Variants in TCF4 observed in about 807,000 individuals in gnomAD.
TCF4 encodes the protein SL3-3 enhancer factor 2.
TCF4 carries 3 observed loss-of-function variants against 82.1 expected under a neutral mutation model. The observed-to-expected ratio is 0.04, with a 90% CI of 0.02 to 0.09. The LOEUF (loss-of-function observed/expected upper bound fraction) is 0.09. Ranked by LOEUF, TCF4 falls within the 10% of genes least tolerant of loss-of-function variation. TCF4 has a pLI of 1.00. For synonymous variants in TCF4, 276 were observed against 309.6 expected, an observed-to-expected ratio of 0.89 and a Z score of 1.14; for missense variants, 518 against 852.7, an observed-to-expected ratio of 0.61 and a Z score of 4.89.
chr18:55,576,990 G>A (rs1265546900), intron 3 of TCF4, among the ~76,000 whole-genome samples: 1 of 150,858 alleles, frequency 6.6e-6, no homozygotes, highest in Non-Finnish European at 1.5e-5. Context: ...TATGCCCTCT[G>A]AGAGAAGGTT....
At chr18:55,455,951 C>G (rs2095743856) in intron 5 of TCF4, among the ~76,000 whole-genome samples, 1 of 152,068 alleles carries the variant, frequency 6.6e-6, no homozygotes, top group Admixed American at 6.5e-5. Flanking sequence ...AGTAAAACTC[C>G]CTGTATTAGC....
intron 14 of TCF4, among the ~76,000 whole-genome samples, chr18:55,255,622 C>T (rs1181267065): frequency 6.6e-6 from 1 of 152,140 alleles, no homozygotes; most frequent in Admixed American, 6.6e-5. Context: ...CCAGTGTACA[C>T]TTTAAAATAT....
intron 3 of TCF4, among the ~76,000 whole-genome samples, chr18:55,558,879 T>C (rs1187805205): frequency 6.6e-6 from 1 of 151,910 alleles, no homozygotes; most frequent in Non-Finnish European, 1.5e-5. Context: ...GATGGGGAGA[T>C]TGGTTGCCTG....
chr18:55,403,793 G>C (rs761880885), intron 5 of TCF4: 115 of 1,513,988 alleles, frequency 7.6e-5, no homozygotes, highest in Non-Finnish European at 9.4e-5. Flanking sequence ...CAAACAAATC[G>C]TAACTCCTTA....
chr18:55,265,866 A>G (rs552074128), intron 11 of TCF4: 2 of 152,320 alleles, frequency 1.3e-5, no homozygotes, highest in African/African-American at 4.8e-5. Context: ...CAATCTTGGT[A>G]GTCTGTTCCT....
At chr18:55,523,157 A>C (rs2096947020) in intron 3 of TCF4, among the ~76,000 whole-genome samples, 1 of 152,080 alleles carries the variant, frequency 6.6e-6, no homozygotes, top group Non-Finnish European at 1.5e-5. Context: ...AGAAACTAGT[A>C]ACACAGAGAA....
At chr18:55,545,724 A>T (rs547104919) in intron 3 of TCF4, among the ~76,000 whole-genome samples, 15 of 152,278 alleles carry the variant, frequency 9.9e-5, no homozygotes, top group African/African-American at 3.6e-4. Context: ...TGCTGGGATT[A>T]CAGGCGTGAG....
chr18:55,238,968 GGATAAGATCATGTAGTCCAAACACA>G (rs1175969295), intron 15 of TCF4, among the ~76,000 whole-genome samples: 1 of 152,118 alleles, frequency 6.6e-6, no homozygotes, highest in Non-Finnish European at 1.5e-5. Context: ...GAGGAAGGGG[GGATAAGATCATGTAGTCCAAACACA>G]GGCGGCTTGG....
chr18:55,602,067 C>A (rs186686865), intron 2 of TCF4, among the ~76,000 whole-genome samples: 22 of 152,266 alleles, frequency 1.4e-4, no homozygotes, highest in Non-Finnish European at 2.5e-4. Context: ...GCCGGATTCA[C>A]GTTAATGCCT....
chr18:55,364,046 TA>T (rs1354353553), intron 6 of TCF4, among the ~76,000 whole-genome samples: 2 of 152,134 alleles, frequency 1.3e-5, no homozygotes, highest in African/African-American at 4.8e-5. Context: ...CAAATTAAAA[TA>T]AGACAAATTT....
At chr18:55,507,609 ATTTTG>A (rs2096777387) in intron 3 of TCF4, among the ~76,000 whole-genome samples, 2 of 152,094 alleles carry the variant, frequency 1.3e-5, no homozygotes, top group African/African-American at 4.8e-5. Flanking sequence ...GGGGTTCCAT[ATTTTG>A]ATGCAGTTTA....
chr18:55,426,099 T>TTATATATATATATATATATATATATATA (rs35262105), intron 5 of TCF4, among the ~76,000 whole-genome samples: 29 of 139,016 alleles, frequency 2.1e-4, no homozygotes, highest in African/African-American at 6.8e-4. Context: ...ACAAAAAATT[T>TTATATATATATATATATATATATATATA]TATATATATA....
upstream of TCF4, among the ~76,000 whole-genome samples, chr18:55,592,310 C>T (rs2097686383): frequency 6.6e-6 from 1 of 152,140 alleles, no homozygotes; most frequent in African/African-American, 2.4e-5. Context: ...TTTTCACACC[C>T]CTGGAGGCTA....
intron 2 of TCF4, among the ~76,000 whole-genome samples, chr18:55,621,792 ATAT>A (rs558015994): frequency 0.012 from 1,087 of 91,052 alleles, 10 homozygotes; most frequent in South Asian, 0.053. Flanking sequence ...TATATATTAT[ATAT>A]TATATGTTAT....
At chr18:55,629,963 A>T (rs2097730047) in intron 2 of TCF4, among the ~76,000 whole-genome samples, 2 of 152,136 alleles carry the variant, frequency 1.3e-5, no homozygotes, top group African/African-American at 4.8e-5. Flanking sequence ...TCCAAGGTGA[A>T]TGTCATGCCC....
intron 3 of TCF4, chr18:55,550,793 A>G (rs184638251): frequency 7.2e-5 from 11 of 152,208 alleles, no homozygotes; most frequent in Admixed American, 2.6e-4. Context: ...GTTACGCCCA[A>G]CCTTCTAAAA....
At chr18:55,318,184 A>C (rs746262498) in intron 8 of TCF4, among the ~76,000 whole-genome samples, 3 of 152,130 alleles carry the variant, frequency 2.0e-5, no homozygotes, top group Admixed American at 6.5e-5. Context: ...GATATGCTAT[A>C]ATATTAGATA....
chr18:55,428,483 C>T (rs772377270), intron 5 of TCF4, among the ~76,000 whole-genome samples: 10 of 152,296 alleles, frequency 6.6e-5, no homozygotes, highest in Admixed American at 3.9e-4. Flanking sequence ...CATGTCTTCA[C>T]TTGACTGGTT....
chr18:55,354,425 T>C (rs2083000820), intron 6 of TCF4, among the ~76,000 whole-genome samples: 1 of 152,186 alleles, frequency 6.6e-6, no homozygotes, highest in Non-Finnish European at 1.5e-5. Flanking sequence ...CCCATTCCTT[T>C]TCAGGGGAGC....
Sources: allele counts gnomAD v4.1 joint callset (sites outside exome capture counted in the v4.1 genomes callset), GRCh38; gene constraint gnomAD v4.1.1; transcripts MANE v1.5; gene names NCBI Gene and HGNC (gene_info 2026-07-23, HGNC 2026-07-21).